TP53I13: variants seen among roughly 807,000 people sequenced by gnomAD.
TP53I13 encodes tumor protein p53 inducible protein 13.
Under a neutral mutation model 39.1 loss-of-function variants are expected in TP53I13, and 27 were observed. The observed-to-expected ratio is 0.69, with a 90% CI of 0.51 to 0.95. TP53I13 has a LOEUF of 0.95. Among genes scored for constraint, TP53I13 ranks in the 40% least tolerant of loss-of-function variants. The pLI is 0.00. For synonymous variants in TP53I13, 230 were observed against 224.6 expected, an observed-to-expected ratio of 1.02 and a Z score of -0.22; for missense variants, 544 against 520.4, an observed-to-expected ratio of 1.05 and a Z score of -0.44.
chr17:29,578,924 C>A, the TP53I13 span: 1 of 1,609,276 alleles, frequency 6.2e-7, no homozygotes, highest in Non-Finnish European at 8.5e-7. Context: ...CCGCCCTACC[C>A]CACCTTCAGG....
chr17:29,577,663 G>A (rs1307540333), downstream of TP53I13: 2 of 1,609,954 alleles, frequency 1.2e-6, no homozygotes, highest in East Asian at 2.2e-5. Flanking sequence ...GCGTGGCTGA[G>A]TATTCCGGGT....
the TP53I13 span, chr17:29,582,154 G>A: frequency 6.5e-7 from 1 of 1,541,854 alleles, no homozygotes; most frequent in African/African-American, 1.4e-5. Context: ...GCTAAGAGGA[G>A]CAGAGTGTGC....
At chr17:29,575,592 A>T (rs2033164263), downstream of TP53I13, 4 of 1,598,362 alleles carry the variant, frequency 2.5e-6, no homozygotes, top group Non-Finnish European at 2.6e-6. This position sits in a 1 kb window ranked among gnomAD's most constrained non-coding sequence, Gnocchi z 5.5. Context: ...CCGCCTCGGC[A>T]TGTGAGCAGG....
At position 29,572,968 on chromosome 17, in the gene TP53I13, C is replaced by T. The variant is rs11541471; in HGVS notation, c.*44C>T. 7.4e-7 allele frequency: 1 copy of T among 1,348,686 alleles called. No homozygotes were observed. Among genetic ancestry groups the T allele is most frequent in the Non-Finnish European group, 9.5e-7 (1 of 1,051,720 alleles). 83.5% of individuals were successfully genotyped at this position (1,348,686 alleles called of 1,614,324 possible). A position where few individuals can be genotyped will look rare whatever the true frequency, so the allele number is the denominator to read the frequency against. ...TGTGGCGTGCGGCTCCTCCCCGCGC[C>T]GCGAGGCCGCGACCTCTGCCACGTG... is the stretch of plus-strand genomic sequence containing the variant. On this transcript the variant is annotated 3_prime_UTR_variant, in exon 7 of 7. Coordinates refer to ENST00000301057, the MANE Select transcript of TP53I13 (RefSeq NM_138349.4).
downstream of TP53I13, chr17:29,577,009 G>T: frequency 1.9e-6 from 3 of 1,604,182 alleles, no homozygotes; most frequent in Non-Finnish European, 2.5e-6. Flanking sequence ...GAGGACACAG[G>T]AGTGTCACTC....
At chr17:29,567,041 G>C (rs1325700260), upstream of TP53I13, 4 of 1,185,826 alleles carry the variant, frequency 3.4e-6, no homozygotes, top group Non-Finnish European at 4.2e-6. This position sits in a 1 kb window ranked among gnomAD's most constrained non-coding sequence, Gnocchi z 6.6. Context: ...TTTGCCCGCG[G>C]CTCCGCCCGC....
At chr17:29,571,365 T>C (rs573217866) in intron 3 of TP53I13, 1 of 568,784 alleles carries the variant, frequency 1.8e-6, no homozygotes, top group South Asian at 2.3e-5. Context: ...TGCTGTGAGC[T>C]TTGAAGGGTG....
chr17:29,576,597 T>C (rs759337914), downstream of TP53I13: 10 of 1,613,980 alleles, frequency 6.2e-6, no homozygotes, highest in Admixed American at 5.0e-5. Flanking sequence ...TTGCCTCCGA[T>C]GTAGCCAGGG....
chr17:29,567,197 G>C (rs764496904), upstream of TP53I13: 35 of 189,916 alleles, frequency 1.8e-4, no homozygotes, highest in Non-Finnish European at 2.7e-4. The surrounding 1 kb of genome is among the most constrained non-coding windows in gnomAD (Gnocchi z 6.6). Flanking sequence ...ACAAGTGGGA[G>C]CAGAGGGTGA....
the TP53I13 span, chr17:29,579,133 C>CA: frequency 1.4e-6 from 1 of 697,554 alleles, no homozygotes; most frequent in Non-Finnish European, 2.6e-6. Context: ...GAATTCATCT[C>CA]ACCGCGTCCC....
intron 3 of TP53I13, chr17:29,571,149 T>G (rs2032907084): frequency 2.8e-5 from 5 of 180,534 alleles, no homozygotes; most frequent in Admixed American, 1.6e-4. Context: ...TAATGAATGA[T>G]TGATGGAGTA....
chr17:29,578,824 G>A, the TP53I13 span: 1 of 1,597,724 alleles, frequency 6.3e-7, no homozygotes, highest in Non-Finnish European at 8.6e-7. Context: ...GGAGAGACCT[G>A]AGAGGTGGCC....
rs2033033468 is a variant in TP53I13, at chr17:29,573,116, C to T, written c.*192C>T. The stretch of plus-strand genomic sequence containing the variant: ...GGAGAAAAGGAGCCGCTTCTGCCTC[C>T]CTTGCCAAAACTCCGTTTCTAATTA... On this transcript the variant is annotated 3_prime_UTR_variant, in exon 7 of 7. Coordinates refer to ENST00000301057, the MANE Select transcript of TP53I13 (RefSeq NM_138349.4). 2.3e-6 allele frequency: 1 copy of T among 441,178 alleles called. No homozygotes were observed. The highest frequency in any genetic ancestry group is 4.5e-5 in the Admixed American group (1 of 22,316). 27.3% of individuals were successfully genotyped at this position (441,178 alleles called of 1,614,324 possible).
chr17:29,569,211 C>A, intron 2 of TP53I13, 107 bp from the exon 3 acceptor site: 1 of 1,486,566 alleles, frequency 6.7e-7, no homozygotes, highest in South Asian at 1.2e-5. Context: ...TCCTCAGTAG[C>A]CAACTTCTCC....
rs1457426515 is a variant in TP53I13, at chr17:29,572,318, G to A, written c.690G>A (p.Leu230=). 1 of 1,612,630 alleles carries A rather than the reference G, an allele frequency of 6.2e-7. No individual in the cohort carries two copies. The highest frequency in any genetic ancestry group is 1.3e-5 in the African/African-American group (1 of 74,938). Reference sequence around the variant, plus strand: ...TTCCCTCTGCTTCCCCAGGGAGCTTGAAGGCCAAGCAGTCCATGGCGGGAA... The same window carrying A: ...TTCCCTCTGCTTCCCCAGGGAGCTTAAAGGCCAAGCAGTCCATGGCGGGAA... The part of the protein sequence containing the change: ...LRFPSASPGS[L]KAKQSMAGIP... The change falls in exon 6 of 7, where the codon TTG becomes TTA. Residue 230 remains leucine (L), a synonymous_variant. Transcript: ENST00000301057.
At chr17:29,569,577 A>G in intron 3 of TP53I13, 2 of 471,574 alleles carry the variant, frequency 4.2e-6, no homozygotes, top group East Asian at 3.2e-5. Flanking sequence ...GTCATCTGCA[A>G]TGCTGTGTCA....
At chr17:29,581,722 G>T in the TP53I13 span, 1 of 1,593,100 alleles carries the variant, frequency 6.3e-7, no homozygotes, top group Non-Finnish European at 8.6e-7. The surrounding 1 kb of genome is among the most constrained non-coding windows in gnomAD (Gnocchi z 4.8). Flanking sequence ...ACAGCCAGGC[G>T]CCCCCCAAGC....
downstream of TP53I13, chr17:29,575,471 C>G (rs761307212): frequency 1.2e-6 from 2 of 1,600,204 alleles, no homozygotes; most frequent in South Asian, 2.2e-5. This position sits in a 1 kb window ranked among gnomAD's most constrained non-coding sequence, Gnocchi z 5.5. Flanking sequence ...CCCTTCCAGC[C>G]TGAGGCCCAG....
Position 29,571,708 on chromosome 17 carries a change from A to G in TP53I13, c.301A>G (p.Thr101Ala). Residue 101 changes from threonine (T) to alanine (A), a missense_variant, in exon 4 of 7, where the codon ACG (threonine) becomes GCG (alanine). Transcript: ENST00000301057. ...NPSLTPDFSL[T>A]QDRPLVLTAW... ...TTCCCTCACCCCTGACTTCAGCCTC[A>G]CGCAGGATCGGGTATGTAGCTGATG... is the stretch of plus-strand genomic sequence containing the variant. 6.2e-7 allele frequency: 1 copy of G among 1,614,048 alleles called. No individual in the cohort carries two copies.
Sources: allele counts gnomAD v4.1 joint callset, GRCh38; gene constraint gnomAD v4.1.1; non-coding constraint Gnocchi (gnomAD v3.1); transcripts MANE v1.5; gene names NCBI Gene and HGNC (gene_info 2026-07-23, HGNC 2026-07-21).